Variants in FSTL5 observed in about 807,000 individuals in gnomAD.
FSTL5 encodes follistatin like 5.
A neutral mutation model predicts 89.1 loss-of-function variants in FSTL5; 62 were observed. The ratio of observed to expected loss-of-function variants is 0.70; its 90% CI spans 0.57 to 0.86. FSTL5 has a LOEUF of 0.86. FSTL5 is among the 40% of genes least tolerant of loss of function. The pLI is 0.00. For missense variants in FSTL5, 1,057 were observed against 1,001.6 expected (o/e 1.06, Z -0.75); for synonymous variants, 383 against 346.2 (o/e 1.11, Z -1.18).
At chr4:161,857,223 G>A (rs192305923) in intron 4 of FSTL5, among the ~76,000 whole-genome samples, 15 of 152,198 alleles carry the variant, frequency 9.9e-5, no homozygotes, top group African/African-American at 2.9e-4. Flanking sequence ...TGATCATGGT[G>A]AAAATGCTGA....
At chr4:161,725,417 G>A (rs1739363467) in intron 6 of FSTL5, among the ~76,000 whole-genome samples, 1 of 151,606 alleles carries the variant, frequency 6.6e-6, no homozygotes, top group Non-Finnish European at 1.5e-5. Context: ...TTTAAATACT[G>A]TCAATTTTTT....
At chr4:161,439,831 T>C (rs1263085706) in intron 15 of FSTL5, among the ~76,000 whole-genome samples, 2 of 152,168 alleles carry the variant, frequency 1.3e-5, no homozygotes, top group East Asian at 1.9e-4. Context: ...AATTAAGTTA[T>C]ATAGACATCA....
At chr4:161,669,752 A>G (rs2126696639) in intron 6 of FSTL5, among the ~76,000 whole-genome samples, 1 of 152,288 alleles carries the variant, frequency 6.6e-6, no homozygotes, top group South Asian at 2.1e-4. Flanking sequence ...TTTACATTCA[A>G]AAAATAATAT....
intron 4 of FSTL5, among the ~76,000 whole-genome samples, chr4:161,865,742 C>G (rs552783623): frequency 1.8e-4 from 28 of 152,188 alleles, no homozygotes; most frequent in African/African-American, 6.3e-4. Context: ...TGCATATTCT[C>G]CTTAGATTGC....
At chr4:161,396,556 A>G (rs990385311) in intron 15 of FSTL5, among the ~76,000 whole-genome samples, 4 of 151,666 alleles carry the variant, frequency 2.6e-5, no homozygotes, top group Non-Finnish European at 5.9e-5. Context: ...CAGGAAGCAG[A>G]GGCAGGAGAA....
intron 8 of FSTL5, among the ~76,000 whole-genome samples, chr4:161,547,548 C>T (rs558348380): frequency 2.1e-4 from 32 of 151,606 alleles, no homozygotes; most frequent in Non-Finnish European, 3.7e-4. Context: ...GAAAAATTCC[C>T]GTATAAAATA....
intron 7 of FSTL5, among the ~76,000 whole-genome samples, chr4:161,594,813 AAAAT>A (rs1184420354): frequency 6.6e-6 from 1 of 151,944 alleles, no homozygotes; most frequent in African/African-American, 2.4e-5. Context: ...CAGTATATTT[AAAAT>A]AAATAATAAA....
intron 4 of FSTL5, among the ~76,000 whole-genome samples, chr4:161,854,517 C>T (rs980595449): frequency 1.3e-5 from 2 of 152,086 alleles, no homozygotes; most frequent in African/African-American, 2.4e-5. Context: ...ACAAAAGATG[C>T]GTTATTACAT....
rs1561048917 is a variant in FSTL5, at chr4:162,153,692, T to TATATATGTATATTATATATGTATATAATA, written c.-17+9894_-17+9922dup. ...TGTATATTATATATGTATATAATAA[T>TATATATGTATATTATATATGTATATAATA]ATATATGTATATTATATATGTATAT... is the stretch of plus-strand genomic sequence containing the variant. On this transcript the variant is annotated intron_variant, in intron 1 of 15. Transcript: ENST00000306100. 2.4e-3 allele frequency among the ~76,000 whole-genome samples: 200 copies of TATATATGTATATTATATATGTATATAATA among 83,430 alleles called. 13 individuals carry two copies. The East Asian group carries it at 0.062, about 26-fold the overall frequency. 54.7% of individuals were successfully genotyped at this position (83,430 alleles called of 152,430 possible).
At chr4:161,587,328 T>G (rs1459114726) in intron 8 of FSTL5, 127 bp downstream of exon 8, 3 of 749,588 alleles carry the variant, frequency 4.0e-6, no homozygotes, top group Non-Finnish European at 6.6e-6. Flanking sequence ...ACTTTTACAT[T>G]ATCAGTTGAG....
At chr4:162,066,273 TTCC>T (rs200910896) in intron 2 of FSTL5, among the ~76,000 whole-genome samples, 34 of 149,660 alleles carry the variant, frequency 2.3e-4, no homozygotes, top group South Asian at 6.5e-4. Context: ...TTTAATTGGG[TTCC>T]TCCTCCTCCT....
intron 15 of FSTL5, among the ~76,000 whole-genome samples, chr4:161,410,181 A>C (rs1731539446): frequency 6.6e-6 from 1 of 152,242 alleles, no homozygotes; most frequent in Admixed American, 6.5e-5. Flanking sequence ...GGAAGCCTTA[A>C]CTATTCTAAA....
At chr4:161,779,765 A>G (rs1247622475) in intron 4 of FSTL5, among the ~76,000 whole-genome samples, 4 of 20,908 alleles carry the variant, frequency 1.9e-4, no homozygotes, top group African/African-American at 4.2e-4. Flanking sequence ...AAAGTTATAT[A>G]TATATATATG....
chr4:161,920,455 G>C lies in FSTL5; in HGVS notation c.358C>G (p.Leu120Val). 1 of 1,613,708 alleles carries C rather than the reference G, an allele frequency of 6.2e-7. No individual in the cohort carries two copies. Among genetic ancestry groups the C allele is most frequent in the Non-Finnish European group, 8.5e-7 (1 of 1,179,864 alleles). Reference sequence around the variant, plus strand: ...ACAATGGTAATCTTTTGTTTTTTCAGGCAAGCAGCTCTGTGCACTTCACAG... The same window carrying C: ...ACAATGGTAATCTTTTGTTTTTTCACGCAAGCAGCTCTGTGCACTTCACAG... ...NHCEVHRAAC[L>V]KKQKITIVHN... The change falls in exon 4 of 16, where the codon CTG becomes GTG. Residue 120 changes from leucine to valine, a missense_variant. By Grantham distance (32) the Leu-to-Val change is conservative. Transcript: ENST00000306100.
At chr4:161,985,067 G>A (rs770714182) in intron 3 of FSTL5, among the ~76,000 whole-genome samples, 23 of 150,434 alleles carry the variant, frequency 1.5e-4, no homozygotes, top group Non-Finnish European at 2.8e-4. Flanking sequence ...AGCAATTTTC[G>A]TGCTTCAGCC....
chr4:161,656,477 G>A lies in FSTL5; in HGVS notation c.745C>T (p.Leu249=). 1 of 1,591,402 alleles carries A rather than the reference G, an allele frequency of 6.3e-7. No homozygotes were observed. Among genetic ancestry groups the A allele is most frequent in the Non-Finnish European group, 8.5e-7 (1 of 1,169,886 alleles). ...YRAFQVIQLS[L]PEDQKLSITA... is the part of the protein sequence containing the mutation. ...ATGCTTAGTTTCTGATCTTCTGGCAGACTCAACTGGATCACTTCTGTAAAG... is the reference window on the plus strand; with the variant it reads ...ATGCTTAGTTTCTGATCTTCTGGCAAACTCAACTGGATCACTTCTGTAAAG... The change falls in exon 7 of 16, where the codon CTG becomes TTG. Residue 249 remains leucine (L), a synonymous_variant. Transcript: ENST00000306100.
At position 161,454,961 on chromosome 4, in the gene FSTL5, G is replaced by C. The variant is rs760118390; in HGVS notation, c.1841+43C>G. The C allele has an allele frequency of 1.7e-5, 26 of 1,574,126 alleles. 1 individual carries two copies. In the South Asian group the frequency reaches 2.6e-4, roughly 16 times the overall value. ...TTTCACATGGCTTTCTATTATAATA[G>C]AGACAAATCTTTAAAAAGTTGATCA... On this transcript the variant is annotated intron_variant, in intron 15 of 15. Transcript: ENST00000306100.
Position 161,620,144 on chromosome 4 carries a change from T to A in FSTL5, c.895-32569A>T, listed in dbSNP as rs1354566107. 5.4e-5 allele frequency among the ~76,000 whole-genome samples: 7 copies of A among 128,740 alleles called. No individual in the cohort carries two copies. In the Admixed American group the frequency reaches 6.0e-4, roughly 11 times the overall value. 84.5% of individuals were successfully genotyped at this position (128,740 alleles called of 152,430 possible). A position where few individuals can be genotyped will look rare whatever the true frequency, so the allele number is the denominator to read the frequency against. On this transcript the variant is annotated intron_variant, in intron 7 of 15. Transcript: ENST00000306100. The stretch of plus-strand genomic sequence containing the variant: ...CATAGGTGGGAATTGAACAATGAGA[T>A]CACATGGACACAGGAAGGGGAACAT...
chr4:161,779,325 G>T (rs1187942919), intron 4 of FSTL5, among the ~76,000 whole-genome samples: 1 of 152,026 alleles, frequency 6.6e-6, no homozygotes, highest in East Asian at 1.9e-4. Flanking sequence ...TGTACAATAT[G>T]TATGCAATTA....
Sources: allele counts gnomAD v4.1 joint callset (sites outside exome capture counted in the v4.1 genomes callset), GRCh38; gene constraint gnomAD v4.1.1; transcripts MANE v1.5; gene names NCBI Gene and HGNC (gene_info 2026-07-23, HGNC 2026-07-21).